ACTA2: variants seen among roughly 807,000 people sequenced by gnomAD.
ACTA2 encodes the protein actin alpha 2, smooth muscle.
Under a neutral mutation model 39.5 loss-of-function variants are expected in ACTA2, and 12 were observed. That is an observed-to-expected ratio of 0.30 (90% confidence interval 0.19 to 0.49). ACTA2 has a LOEUF of 0.49. Ranked by LOEUF, ACTA2 falls within the 20% of genes least tolerant of loss-of-function variation. The pLI is 0.99. For synonymous variants in ACTA2, 158 were observed against 180.6 expected, an observed-to-expected ratio of 0.88 and a Z score of 1.00; for missense variants, 236 against 498.8, an observed-to-expected ratio of 0.47 and a Z score of 5.02.
intron 1 of ACTA2, among the ~76,000 whole-genome samples, chr10:88,978,300 G>A (rs1468614435): frequency 9.5e-5 from 14 of 147,824 alleles, no homozygotes; most frequent in East Asian, 6.0e-4. Flanking sequence ...CCTAATGCTA[G>A]ATGACGAGTT....
In ACTA2 at chr10:88,984,169, G is replaced by A. The variant is rs1846802869; in HGVS notation, c.-24+6770C>T. Among the ~76,000 whole-genome samples, 3 of 152,200 alleles carry A rather than the reference G, an allele frequency of 2.0e-5. No homozygotes were observed. The South Asian group carries it at 6.2e-4, about 31-fold the overall frequency. ...GCAAACACTTGTTAAACTATAGGAA[G>A]TTATAACATCGGGAGAATTTCTAAC... On this transcript the variant is annotated intron_variant, in intron 1 of 4. Transcript: ENST00000415557.
chr10:88,955,016 C>CA (rs768193000), upstream of ACTA2, among the ~76,000 whole-genome samples: 13,015 of 72,776 alleles, frequency 0.18, 623 homozygotes, highest in African/African-American at 0.22. Flanking sequence ...TAGTGTCACA[C>CA]AAAAAAAAAA....
intron 8 of ACTA2, among the ~76,000 whole-genome samples, chr10:88,937,418 G>T (rs1014755531): frequency 1.3e-5 from 2 of 152,186 alleles, no homozygotes; most frequent in African/African-American, 2.4e-5. Context: ...CACAGGTTAA[G>T]TTTGCCTCCA....
intron 4 of ACTA2, among the ~76,000 whole-genome samples, chr10:88,942,419 C>T (rs1845872576): frequency 6.6e-6 from 1 of 152,182 alleles, no homozygotes; most frequent in Admixed American, 6.5e-5. Context: ...GTCTGAGGTT[C>T]TATTTAATCT....
chr10:88,935,195 T>C lies in ACTA2; in HGVS notation c.*28A>G. On this transcript the variant is annotated 3_prime_UTR_variant, in exon 9 of 9. Transcript: ENST00000224784. ...CCACAGGACATTCACAGTTGTGTGC[T>C]AGAGACAGAGAGGAGCAGGAAAGTG... is the stretch of plus-strand genomic sequence containing the variant. The C allele has an allele frequency of 6.2e-7, 1 of 1,611,562 alleles. No homozygotes were observed. The highest frequency in any genetic ancestry group is 8.5e-7 in the Non-Finnish European group (1 of 1,179,306).
chr10:88,961,896 C>T (rs192809763), intron 1 of ACTA2, among the ~76,000 whole-genome samples: 1 of 152,148 alleles, frequency 6.6e-6, no homozygotes, highest in Admixed American at 6.6e-5. Context: ...ATATAAATGA[C>T]AGGATTATAA....
intron 1 of ACTA2, among the ~76,000 whole-genome samples, chr10:88,986,456 A>T (rs572452036): frequency 1.3e-5 from 2 of 151,980 alleles, no homozygotes; most frequent in Non-Finnish European, 2.9e-5. Flanking sequence ...TCTTTAATGC[A>T]TTGTCTTTTT....
rs536657825 is a variant in ACTA2 at position 88,949,752 on chromosome 10, A to G, written c.-23-799T>C. On this transcript the variant is annotated intron_variant, in intron 1 of 8. Coordinates refer to ENST00000224784, the MANE Select transcript of ACTA2 (RefSeq NM_001613.4). ...GTAAGAGTAATAGGTTAGAAAAAGT[A>G]ACATTGTAAATCTCATTAAAAATGT... 5.9e-5 allele frequency among the ~76,000 whole-genome samples: 9 copies of G among 152,348 alleles called. No individual in the cohort carries two copies. The South Asian group carries it at 1.9e-3, about 32-fold the overall frequency.
chr10:88,947,490 C>T, intron 2 of ACTA2, 104 bp from the exon 3 acceptor site: 1 of 1,515,560 alleles, frequency 6.6e-7, no homozygotes, highest in South Asian at 1.1e-5. Context: ...AGTTCCTCTT[C>T]TGATTATCAG....
At chr10:88,938,421 C>A in intron 7 of ACTA2, 179 bp from the exon 8 acceptor site, 1 of 678,382 alleles carries the variant, frequency 1.5e-6, no homozygotes, top group Non-Finnish European at 2.6e-6. Context: ...TGTCTTCCTG[C>A]CTGCCTTCTA....
intron 1 of ACTA2, among the ~76,000 whole-genome samples, chr10:88,975,840 G>A (rs546626749): frequency 1.3e-5 from 2 of 152,170 alleles, no homozygotes; most frequent in South Asian, 2.1e-4. Context: ...GCTTAGATTC[G>A]GGGAGTTTTT....
At chr10:88,962,599 AT>A (rs1161452728) in intron 1 of ACTA2, among the ~76,000 whole-genome samples, 1 of 152,152 alleles carries the variant, frequency 6.6e-6, no homozygotes, top group Non-Finnish European at 1.5e-5. Context: ...AATACCACAG[AT>A]GGTGTTATAT....
intron 1 of ACTA2, among the ~76,000 whole-genome samples, chr10:88,950,862 A>G (rs1021998815): frequency 1.3e-5 from 2 of 152,228 alleles, no homozygotes; most frequent in Admixed American, 6.5e-5. Context: ...AAAATAATTT[A>G]TAGTGGCAGA....
At chr10:88,963,426 T>C (rs1408883304) in intron 1 of ACTA2, among the ~76,000 whole-genome samples, 1 of 75,980 alleles carries the variant, frequency 1.3e-5, no homozygotes, top group Admixed American at 1.1e-4. Context: ...CAGGAGTAAG[T>C]CTGACTTACT....
intron 1 of ACTA2, among the ~76,000 whole-genome samples, chr10:88,966,759 G>T (rs1420137438): frequency 6.6e-6 from 1 of 152,078 alleles, no homozygotes; most frequent in Non-Finnish European, 1.5e-5. Flanking sequence ...TCCTGAGCAG[G>T]TCAAAGACGT....
At chr10:88,935,641 C>A in intron 8 of ACTA2, 1 of 385,970 alleles carries the variant, frequency 2.6e-6, no homozygotes, top group Non-Finnish European at 5.0e-6. Context: ...AAAGTTGGCT[C>A]CAAATCCAGC....
chr10:88,939,052 T>G (rs1845799570), intron 7 of ACTA2, among the ~76,000 whole-genome samples: 1 of 152,136 alleles, frequency 6.6e-6, no homozygotes, highest in Admixed American at 6.5e-5. Context: ...TCAAGAGAAC[T>G]AAGACTGAAA....
At chr10:88,941,454 G>A in intron 5 of ACTA2, 64 bp from the exon 6 acceptor site, 1 of 1,599,760 alleles carries the variant, frequency 6.3e-7, no homozygotes, top group Admixed American at 1.7e-5. Flanking sequence ...TGCTGGACAA[G>A]TAGAGGGAAG....
intron 1 of ACTA2, among the ~76,000 whole-genome samples, chr10:88,977,893 TAC>T (rs1318221328): frequency 6.1e-5 from 5 of 81,580 alleles, no homozygotes; most frequent in African/African-American, 1.9e-4. Flanking sequence ...GCCATCCCAT[TAC>T]TGGGTATATA....
Sources: gnomAD v4.1 joint callset for allele counts (sites outside exome capture counted in the v4.1 genomes callset) on GRCh38, gnomAD v4.1.1 for gene constraint, MANE v1.5 for transcripts, NCBI Gene and HGNC (gene_info 2026-07-23, HGNC 2026-07-21) for gene names.